CDH26: variants seen among roughly 807,000 people sequenced by gnomAD.
The protein encoded by CDH26 is cadherin-like protein 26.
Under a neutral mutation model 90.3 loss-of-function variants are expected in CDH26, and 83 were observed. The observed-to-expected ratio is 0.92, with a 90% CI of 0.77 to 1.10. CDH26 has a LOEUF of 1.10. Among genes scored for constraint, CDH26 ranks in the 50% least tolerant of loss-of-function variants. CDH26 has a pLI of 0.00. For missense variants in CDH26, 1,013 were observed against 1,037.6 expected (o/e 0.98, Z 0.33); for synonymous variants, 397 against 396.3 (o/e 1.00, Z -0.02).
rs568657768 is a variant in CDH26, at chr20:59,987,334, A to G, written c.838-119A>G. On this transcript the variant is annotated intron_variant, in intron 7 of 17. Transcript: ENST00000348616. ...ATCCAGGGTGTTGTGATGAGGAGCA[A>G]CATTCTTTCTCCTTCTCTCTCTTGC... is the stretch of plus-strand genomic sequence containing the variant. The G allele has an allele frequency of 2.4e-4, 197 of 837,410 alleles. 3 individuals carry two copies. The East Asian group carries it at 5.4e-3, about 23-fold the overall frequency. 51.9% of individuals were successfully genotyped at this position (837,410 alleles called of 1,614,324 possible).
At chr20:59,971,717 AT>A (rs1057404799) in intron 3 of CDH26, among the ~76,000 whole-genome samples, 5 of 152,176 alleles carry the variant, frequency 3.3e-5, no homozygotes, top group Admixed American at 1.3e-4. Context: ...TCATTATATT[AT>A]TTTTTTCATG....
intron 17 of CDH26, 125 bp from the exon 18 acceptor site, chr20:60,012,402 C>A: frequency 1.2e-6 from 1 of 811,292 alleles, no homozygotes; most frequent in Non-Finnish European, 1.9e-6. Flanking sequence ...CCTGTGTCAG[C>A]TGAGGACACG....
chr20:59,992,561 C>T lies in CDH26; in HGVS notation c.1426+41C>T, dbSNP rs1407227498. On this transcript the variant is annotated intron_variant, in intron 10 of 17. Transcript: ENST00000348616. This position sits in a 1 kb window ranked among gnomAD's most constrained non-coding sequence, Gnocchi z 5.0. ...AAATTGGAAAAATAAAATGCTCATT[C>T]TTGCTTCCTGCGGGAAAATAACCCT... The T allele has an allele frequency of 6.2e-7, 1 of 1,606,596 alleles. No individual in the cohort carries two copies. The highest frequency in any genetic ancestry group is 8.5e-7 in the Non-Finnish European group (1 of 1,173,692).
At chr20:60,003,411 C>CA (rs2061701245) in intron 16 of CDH26, among the ~76,000 whole-genome samples, 1 of 152,128 alleles carries the variant, frequency 6.6e-6, no homozygotes, top group Non-Finnish European at 1.5e-5. Context: ...ATATAGTTTG[C>CA]AAAATTATGT....
At chr20:59,980,697 C>T (rs949212049) in intron 4 of CDH26, among the ~76,000 whole-genome samples, 2 of 152,090 alleles carry the variant, frequency 1.3e-5, no homozygotes, top group African/African-American at 4.8e-5. Context: ...TCATTTTTGT[C>T]TTCTCATTCT....
At chr20:59,968,049 C>G (rs867672576) in intron 1 of CDH26, among the ~76,000 whole-genome samples, 22 of 137,078 alleles carry the variant, frequency 1.6e-4, no homozygotes, top group African/African-American at 4.8e-4. Context: ...CTCTCTCTCT[C>G]TCTGTCTCTC....
At chr20:59,965,144 A>G (rs751147631) in intron 1 of CDH26, among the ~76,000 whole-genome samples, 40 of 152,340 alleles carry the variant, frequency 2.6e-4, no homozygotes, top group Non-Finnish European at 2.6e-4. Context: ...AGGTAAATAG[A>G]CAGAAATATA....
chr20:60,028,437 G>A (rs1417358820), intron 7 of CDH26, among the ~76,000 whole-genome samples: 1 of 152,192 alleles, frequency 6.6e-6, no homozygotes, highest in South Asian at 2.1e-4. Context: ...CATGTAGTAG[G>A]CACTCTATGT....
intron 8 of CDH26, among the ~76,000 whole-genome samples, chr20:60,032,809 G>A (rs551373185): frequency 1.9e-4 from 27 of 142,586 alleles, no homozygotes; most frequent in Middle Eastern, 6.6e-3. Flanking sequence ...GAGAACACAT[G>A]GACACAGGAA....
At chr20:59,984,844 T>C (rs779918020) in intron 6 of CDH26, 39 bp downstream of exon 6, 1 of 1,585,378 alleles carries the variant, frequency 6.3e-7, no homozygotes. Flanking sequence ...ATGAAATGTG[T>C]GGCCCATCCT....
chr20:60,000,817 C>T (rs924684592), intron 14 of CDH26, among the ~76,000 whole-genome samples: 2 of 152,164 alleles, frequency 1.3e-5, no homozygotes, highest in Non-Finnish European at 2.9e-5. Context: ...TAAGTGAAGC[C>T]GTCACTTATG....
chr20:59,987,719 G>A, intron 8 of CDH26, 81 bp downstream of exon 8: 1 of 1,283,114 alleles, frequency 7.8e-7, no homozygotes, highest in South Asian at 1.5e-5. Flanking sequence ...CAATGAACCA[G>A]GGAGCTAACG....
intron 16 of CDH26, 39 bp downstream of exon 16, chr20:60,002,905 C>G (rs1426354514): frequency 7.0e-7 from 1 of 1,419,010 alleles, no homozygotes; most frequent in South Asian, 1.5e-5. Flanking sequence ...ACAAATTTAC[C>G]TTATTGTTCT....
intron 4 of CDH26, among the ~76,000 whole-genome samples, chr20:59,975,236 G>C (rs2061313927): frequency 6.6e-6 from 1 of 152,148 alleles, no homozygotes. Flanking sequence ...ATTAGGGTGG[G>C]CCATAACCCA....
At chr20:60,021,181 C>T (rs2061949309) in intron 7 of CDH26, among the ~76,000 whole-genome samples, 1 of 152,210 alleles carries the variant, frequency 6.6e-6, no homozygotes, top group South Asian at 2.1e-4. Context: ...GCTGATGTCA[C>T]TCCCAGAAAC....
intron 9 of CDH26, among the ~76,000 whole-genome samples, chr20:59,991,722 T>TTTG (rs367865994): frequency 4.6e-5 from 7 of 152,116 alleles, no homozygotes; most frequent in African/African-American, 1.4e-4. Context: ...ACCTGCACTT[T>TTTG]TTGTTGTTGT....
rs2061602424 is a variant in CDH26, at chr20:59,996,719, A to C, written c.1977A>C (p.Thr659=). ...TATCCAATGATGAAGGCCACCAAAC[A>C]CTGGTCATGTATAATGCGGAGAGCA... The part of the protein sequence containing the change: ...CSVSNDEGHQ[T]LVMYNAESKG... The change falls in exon 13 of 18, where the codon ACA becomes ACC. Residue 659 remains threonine (T), a synonymous_variant. Transcript: ENST00000348616. The C allele has an allele frequency of 1.2e-6, 2 of 1,614,060 alleles. No homozygotes were observed. The highest frequency in any genetic ancestry group is 2.7e-5 in the African/African-American group (2 of 74,928).
chr20:59,986,117 T>C (rs992351485), intron 7 of CDH26: 1 of 152,240 alleles, frequency 6.6e-6, no homozygotes, highest in Non-Finnish European at 1.5e-5. Flanking sequence ...AGAATCACCC[T>C]TGGGTGAGAA....
chr20:60,001,439 A>G lies in CDH26; in HGVS notation c.2166+28A>G, dbSNP rs763285372. The stretch of plus-strand genomic sequence containing the variant: ...GAGTTCCAGAAGGTTGCTCCCTGCT[A>G]CGGCCATCTCACTAGTGACTAACAG... On this transcript the variant is annotated intron_variant, in intron 15 of 17. Coordinates refer to ENST00000348616, the MANE Select transcript of CDH26 (RefSeq NM_177980.4). 6.2e-6 allele frequency: 10 copies of G among 1,612,268 alleles called. No individual in the cohort carries two copies. The Admixed American group carries it at 1.7e-4, about 27-fold the overall frequency.
Sources: gnomAD v4.1 joint callset for allele counts (sites outside exome capture counted in the v4.1 genomes callset) on GRCh38, gnomAD v4.1.1 for gene constraint, Gnocchi (gnomAD v3.1) non-coding constraint, MANE v1.5 for transcripts, NCBI Gene and HGNC (gene_info 2026-07-23, HGNC 2026-07-21) for gene names.